Variants in LYSMD3 observed in about 807,000 individuals in gnomAD.
LYSMD3 encodes LysM domain containing 3, also known as lysM and putative peptidoglycan-binding domain-containing protein 3.
In LYSMD3, 13 loss-of-function variants were observed where a neutral mutation model predicts 26.1. The ratio of observed to expected loss-of-function variants is 0.50; its 90% CI spans 0.32 to 0.79. LYSMD3 has a LOEUF of 0.79. Ranked by LOEUF, LYSMD3 falls within the 30% of genes least tolerant of loss-of-function variation. LYSMD3 has a pLI of 0.03. For synonymous variants in LYSMD3, 109 were observed against 119.4 expected, an observed-to-expected ratio of 0.91 and a Z score of 0.57; for missense variants, 331 against 362.5, an observed-to-expected ratio of 0.91 and a Z score of 0.71.
chr5:90,525,448 G>T (rs1248394019), intron 1 of LYSMD3, 148 bp from the exon 2 acceptor site: 1 of 767,392 alleles, frequency 1.3e-6, no homozygotes, highest in Non-Finnish European at 2.0e-6. Flanking sequence ...TCGTTTTTTT[G>T]TTTTGTTTTG....
In LYSMD3 at chr5:90,518,038, T is replaced by C. The variant is rs1223215935; in HGVS notation, c.*781A>G. The C allele has an allele frequency of 1.3e-5, 2 of 152,536 alleles. No homozygotes were observed. The highest frequency in any genetic ancestry group is 4.8e-5 in the African/African-American group (2 of 41,440). The allele number at this position is 152,536 out of a possible 1,614,324, so 9.4% of individuals were successfully genotyped here. ...ATGGTAATATGCACGTTTAATATAT[T>C]TTTCATCATCAAAACTACAAAAGTG... On this transcript the variant is annotated 3_prime_UTR_variant, in exon 3 of 3. Coordinates refer to ENST00000315948, the MANE Select transcript of LYSMD3 (RefSeq NM_198273.2).
rs750800501 is a variant in LYSMD3, at chr5:90,525,210, C to A, written c.80G>T (p.Cys27Phe). 2 of 1,613,978 alleles carry A rather than the reference C, an allele frequency of 1.2e-6. No individual in the cohort carries two copies. Among genetic ancestry groups the A allele is most frequent in the Middle Eastern group, 1.6e-4 (1 of 6,062 alleles). ...CTCCTCCAAAATATCACTGTCTGAA[C>A]AATTTCCAAATGCATGTACTTGACC... ...SSGQVHAFGN[C>F]SDSDILEEDA... is the part of the protein sequence containing the mutation. The change falls in exon 2 of 3, where the codon TGT becomes TTT. Residue 27 changes from cysteine (C) to phenylalanine (F), a missense_variant. By Grantham distance (205) the Cys-to-Phe change is radical. Around this residue, in one of 3 missense-constraint regions of LYSMD3, gnomAD observed 262 missense variants for 267.3 expected, o/e 0.98. Coordinates refer to ENST00000315948, the MANE Select transcript of LYSMD3 (RefSeq NM_198273.2).
rs1240138978 is a variant in LYSMD3, at chr5:90,517,671, T to A, written c.*1148A>T. 1 of 152,126 alleles carries A rather than the reference T, an allele frequency of 6.6e-6. No homozygotes were observed. Among genetic ancestry groups the A allele is most frequent in the African/African-American group, 2.4e-5 (1 of 41,450 alleles). The allele number at this position is 152,126 out of a possible 1,614,324, so 9.4% of individuals were successfully genotyped here. A position where few individuals can be genotyped will look rare whatever the true frequency, so the allele number is the denominator to read the frequency against. Reference sequence around the variant, plus strand: ...GATCAGGAAAAAAGTCTAAATTGGATATTTTCTCTTTGAAAAACAGAGGTT... The same window carrying A: ...GATCAGGAAAAAAGTCTAAATTGGAAATTTTCTCTTTGAAAAACAGAGGTT... On this transcript the variant is annotated 3_prime_UTR_variant, in exon 3 of 3. Transcript: ENST00000315948.
chr5:90,524,994 A>G (rs967166940), intron 2 of LYSMD3, 41 bp downstream of exon 2: 4 of 1,463,492 alleles, frequency 2.7e-6, no homozygotes, highest in Non-Finnish European at 3.7e-6. Flanking sequence ...GCGTAAACAA[A>G]TAATTTCTTC....
Position 90,518,740 on chromosome 5 carries a change from G to T in LYSMD3, c.*79C>A. On this transcript the variant is annotated 3_prime_UTR_variant, in exon 3 of 3. Coordinates refer to ENST00000315948, the MANE Select transcript of LYSMD3 (RefSeq NM_198273.2). ...CTCAATCTCTCTAAATTCTGCCTTT[G>T]AAGCTATTATTGGATATAACTGATT... 7.5e-7 allele frequency: 1 copy of T among 1,340,080 alleles called. No homozygotes were observed. The highest frequency in any genetic ancestry group is 1.0e-6 in the Non-Finnish European group (1 of 976,778). The allele number at this position is 1,340,080 out of a possible 1,614,324, so 83.0% of individuals were successfully genotyped here.
At chr5:90,519,521 T>A in intron 2 of LYSMD3, 37 bp from the exon 3 acceptor site, 1 of 1,544,876 alleles carries the variant, frequency 6.5e-7, no homozygotes, top group Non-Finnish European at 8.7e-7. Context: ...ACAACTGAAT[T>A]CCAATCAAAA....
In LYSMD3 at chr5:90,517,355, T is replaced by C. The variant is rs1277845874; in HGVS notation, c.*1464A>G. 6.6e-6 allele frequency: 1 copy of C among 151,994 alleles called. No individual in the cohort carries two copies. The highest frequency in any genetic ancestry group is 1.9e-4 in the East Asian group (1 of 5,198). The allele number at this position is 151,994 out of a possible 1,614,324, so 9.4% of individuals were successfully genotyped here. A position where few individuals can be genotyped will look rare whatever the true frequency, so the allele number is the denominator to read the frequency against. On this transcript the variant is annotated 3_prime_UTR_variant, in exon 3 of 3. Transcript: ENST00000315948. ...TATCAAAAGCCTGAAACATCAACAATTAGGAAATAATGCCCAGAAAATGAG... is the reference window on the plus strand; with the variant it reads ...TATCAAAAGCCTGAAACATCAACAACTAGGAAATAATGCCCAGAAAATGAG...
intron 1 of LYSMD3, among the ~76,000 whole-genome samples, chr5:90,527,423 T>C (rs1251249448): frequency 6.6e-6 from 1 of 151,670 alleles, no homozygotes; most frequent in Non-Finnish European, 1.5e-5. Context: ...TTTTTTTTTT[T>C]TTTTTACTGT....
chr5:90,523,391 A>G (rs1753140279), intron 2 of LYSMD3, among the ~76,000 whole-genome samples: 1 of 151,900 alleles, frequency 6.6e-6, no homozygotes, highest in South Asian at 2.1e-4. Flanking sequence ...AAACCTCATG[A>G]CCATAATTTT....
At chr5:90,522,767 T>A (rs1753124925) in intron 2 of LYSMD3, among the ~76,000 whole-genome samples, 1 of 146,086 alleles carries the variant, frequency 6.8e-6, no homozygotes, top group South Asian at 2.2e-4. Flanking sequence ...AAGCATTTCA[T>A]CCCAAATAGT....
intron 2 of LYSMD3, among the ~76,000 whole-genome samples, chr5:90,522,603 C>G (rs1753119551): frequency 6.6e-6 from 1 of 152,136 alleles, no homozygotes; most frequent in South Asian, 2.1e-4. Flanking sequence ...ATCAGCAGGC[C>G]CCTCTGCTAT....
At chr5:90,528,658 A>G (rs894443509) in intron 1 of LYSMD3, among the ~76,000 whole-genome samples, 8 of 152,218 alleles carry the variant, frequency 5.3e-5, no homozygotes, top group African/African-American at 1.7e-4. Context: ...CAGAGATTAG[A>G]AAATACATAA....
chr5:90,520,408 G>C lies in LYSMD3; in HGVS notation c.256-924C>G, dbSNP rs1313933940. 3 of 456,130 alleles carry C rather than the reference G, an allele frequency of 6.6e-6. No homozygotes were observed. In the Admixed American group the frequency reaches 7.1e-5, roughly 11 times the overall value. The allele number at this position is 456,130 out of a possible 1,614,324, so 28.3% of individuals were successfully genotyped here. ...TAAAGTGGGTCTAGTATGAAGCTTAGATTTCTGGTTTGGTCAACTTGATGG... is the reference window on the plus strand; with the variant it reads ...TAAAGTGGGTCTAGTATGAAGCTTACATTTCTGGTTTGGTCAACTTGATGG... On this transcript the variant is annotated intron_variant, in intron 2 of 2. Coordinates refer to ENST00000315948, the MANE Select transcript of LYSMD3 (RefSeq NM_198273.2).
At chr5:90,527,466 T>C (rs1055248642) in intron 1 of LYSMD3, among the ~76,000 whole-genome samples, 1 of 146,448 alleles carries the variant, frequency 6.8e-6, no homozygotes, top group South Asian at 2.1e-4. Flanking sequence ...TGTAAGAAAA[T>C]GACTGCTTAT....
Position 90,518,852 on chromosome 5 carries a change from A to AGG in LYSMD3, c.887_888insCC (p.Ser297LeufsTer14). On this transcript the variant is annotated frameshift_variant, in exon 3 of 3. Coordinates refer to ENST00000315948, the MANE Select transcript of LYSMD3 (RefSeq NM_198273.2). LOFTEE classifies it high-confidence loss of function. ...CCTGTTGAGCAGCAGGTGACTGAGA[A>AGG]TCTTGACTATACAGTTTATGATCAT... 6.2e-7 allele frequency: 1 copy of AGG among 1,613,654 alleles called. No homozygotes were observed. The highest frequency in any genetic ancestry group is 8.5e-7 in the Non-Finnish European group (1 of 1,179,784).
chr5:90,527,898 A>G (rs1195787512), intron 1 of LYSMD3, among the ~76,000 whole-genome samples: 2 of 152,194 alleles, frequency 1.3e-5, no homozygotes, highest in Non-Finnish European at 2.9e-5. Flanking sequence ...AATGCTTTAA[A>G]AGCTCAAGAG....
chr5:90,519,466 C>T lies in LYSMD3; in HGVS notation c.274G>A (p.Val92Ile). 6.2e-7 allele frequency: 1 copy of T among 1,609,478 alleles called. No individual in the cohort carries two copies. Among genetic ancestry groups the T allele is most frequent in the Non-Finnish European group, 8.5e-7 (1 of 1,178,954 alleles). The change falls in exon 3 of 3, where the codon GTT (valine) becomes ATT (isoleucine). Residue 92 changes from valine to isoleucine, a missense_variant. This residue lies in a region of LYSMD3 where 262 missense variants were observed against 267.3 expected (regional missense o/e 0.98). Transcript: ENST00000315948. ...TCTTGATCACTGATGAGATTGTTAA[C>T]TCTCTTGATATCTGCTACCTGTGGG... ...YCCTVADIKR[V>I]NNLISDQDFF...
Position 90,525,075 on chromosome 5 carries a change from CCTT to C in LYSMD3, c.212_214del (p.Glu71del), listed in dbSNP as rs1169296812. 3.1e-6 allele frequency: 5 copies of C among 1,612,462 alleles called. No individual in the cohort carries two copies. Among genetic ancestry groups the C allele is most frequent in the Non-Finnish European group, 4.2e-6 (5 of 1,178,828 alleles). ...AAGGGCTATTGCATTTAATGTATCT[CCTT>C]CTTGTATATCTTTTGTTAATACTAT... On this transcript the variant is annotated inframe_deletion, in exon 2 of 3. Coordinates refer to ENST00000315948, the MANE Select transcript of LYSMD3 (RefSeq NM_198273.2).
At position 90,519,163 on chromosome 5, in the gene LYSMD3, G is replaced by C; in HGVS notation, c.577C>G (p.Gln193Glu). The C allele has an allele frequency of 6.2e-7, 1 of 1,614,028 alleles. No individual in the cohort carries two copies. The highest frequency in any genetic ancestry group is 8.5e-7 in the Non-Finnish European group (1 of 1,179,970). Residue 193 changes from glutamine (Q) to glutamate (E), a missense_variant, in exon 3 of 3, where the codon CAA becomes GAA. By Grantham distance (29) the Gln-to-Glu change is conservative (BLOSUM62 2). This residue lies in a region of LYSMD3 where 262 missense variants were observed against 267.3 expected (regional missense o/e 0.98). Coordinates refer to ENST00000315948, the MANE Select transcript of LYSMD3 (RefSeq NM_198273.2). ...TTGTTATCAGGTTCAAAACGCATTT[G>C]TTGTGCTGTTAAGGCCGATACTACC... ...NEVVSALTAQ[Q>E]MRFEPDNKNT...
Sources: gnomAD v4.1 joint callset for allele counts (sites outside exome capture counted in the v4.1 genomes callset) on GRCh38, gnomAD v4.1.1 for gene constraint, gnomAD v4.1.1 regional missense constraint, MANE v1.5 for transcripts, NCBI Gene and HGNC (gene_info 2026-07-23, HGNC 2026-07-21) for gene names.